PRMT8: variants seen among roughly 807,000 people sequenced by gnomAD.
The protein encoded by PRMT8 is protein arginine N-methyltransferase 8.
In PRMT8, 7 loss-of-function variants were observed where a neutral mutation model predicts 47.1. The observed-to-expected ratio is 0.15, with a 90% confidence interval of 0.08 to 0.28. PRMT8 has a LOEUF of 0.28. Among genes scored for constraint, PRMT8 ranks in the 10% least tolerant of loss-of-function variants. The probability of loss-of-function intolerance (pLI) is 1.00; values close to 1 mark genes in which losing one functional copy is unlikely to be tolerated. For missense variants in PRMT8, 237 were observed against 505.4 expected, an observed-to-expected ratio of 0.47 and a Z score of 5.09; for synonymous variants, 188 against 186.5, an observed-to-expected ratio of 1.01 and a Z score of -0.07.
In PRMT8 at chr12:3,412,508, T is replaced by C. The variant is rs140189895; in HGVS notation, c.48+31066T>C. 4.1e-3 allele frequency among the ~76,000 whole-genome samples: 624 copies of C among 152,360 alleles called. 3 individuals carry two copies. Among genetic ancestry groups the C allele is most frequent in the African/African-American group, 0.013 (545 of 41,586 alleles). The stretch of plus-strand genomic sequence containing the variant: ...ACAAACTTTAAATTCTTAAACACTT[T>C]TTGACTCTTTTGTAATATCACTTAG... On this transcript the variant is annotated intron_variant, in intron 1 of 9. Coordinates refer to the PRMT8 transcript ENST00000452611.
At position 3,546,799 on chromosome 12, in the gene PRMT8, C is replaced by G. The variant is rs146110432; in HGVS notation, c.262-3137C>G. 5.6e-4 allele frequency among the ~76,000 whole-genome samples: 85 copies of G among 152,256 alleles called. 1 individual carries two copies. Among genetic ancestry groups the G allele is most frequent in the African/African-American group, 1.8e-3 (74 of 41,562 alleles). On this transcript the variant is annotated intron_variant, in intron 2 of 9. Coordinates refer to ENST00000382622, the MANE Select transcript of PRMT8 (RefSeq NM_019854.5). ...GCAGAAAATATATGAGCAGAGAACA[C>G]TTCCTAACTTATGTAATGAGCCCAG...
intron 1 of PRMT8, among the ~76,000 whole-genome samples, chr12:3,463,786 A>T (rs1865063129): frequency 6.6e-6 from 1 of 152,164 alleles, no homozygotes. Flanking sequence ...TAAGAGGGAG[A>T]ATAACCAGGA....
chr12:3,580,733 A>G lies in PRMT8; in HGVS notation c.829-2325A>G, dbSNP rs1867044959. ...CCATGCTACACTGGTGACGGAGGGA[A>G]CCAAGAAAGAAAGATACCAGGGACC... is the stretch of plus-strand genomic sequence containing the variant. On this transcript the variant is annotated intron_variant, in intron 7 of 9. Coordinates refer to ENST00000382622, the MANE Select transcript of PRMT8 (RefSeq NM_019854.5). The surrounding 1 kb of genome is among the most constrained non-coding windows in gnomAD (Gnocchi z 4.6). Among the ~76,000 whole-genome samples, 1 of 152,124 alleles carries G rather than the reference A, an allele frequency of 6.6e-6. No individual in the cohort carries two copies. The highest frequency in any genetic ancestry group is 2.1e-4 in the South Asian group (1 of 4,816).
At chr12:3,424,484 T>C (rs1329094970) in intron 1 of PRMT8, among the ~76,000 whole-genome samples, 1 of 152,170 alleles carries the variant, frequency 6.6e-6, no homozygotes, top group African/African-American at 2.4e-5. Flanking sequence ...AAGAGCCATA[T>C]CCCCTTCCTA....
chr12:3,425,170 G>A (rs1415342069), intron 1 of PRMT8, among the ~76,000 whole-genome samples: 1 of 152,232 alleles, frequency 6.6e-6, no homozygotes, highest in Non-Finnish European at 1.5e-5. Context: ...CGATGGTTAT[G>A]TGGGAATTTT....
chr12:3,397,126 CA>C (rs1305213975), intron 1 of PRMT8, among the ~76,000 whole-genome samples: 1 of 151,622 alleles, frequency 6.6e-6, no homozygotes, highest in Non-Finnish European at 1.5e-5. Context: ...AAATTTTTTT[CA>C]AAGTTTTCAA....
chr12:3,517,820 G>C (rs567244866), intron 1 of PRMT8, among the ~76,000 whole-genome samples: 1 of 152,248 alleles, frequency 6.6e-6, no homozygotes, highest in South Asian at 2.1e-4. Flanking sequence ...TCAAACCAGG[G>C]AAAAGGAAAA....
At chr12:3,411,525 G>A (rs1220356950) in intron 1 of PRMT8, among the ~76,000 whole-genome samples, 1 of 152,214 alleles carries the variant, frequency 6.6e-6, no homozygotes, top group Non-Finnish European at 1.5e-5. Flanking sequence ...ACCCCTGTAT[G>A]TGCTGTATGG....
chr12:3,562,506 G>A (rs10774158), intron 4 of PRMT8, among the ~76,000 whole-genome samples: 25,033 of 151,930 alleles, frequency 0.16, 2,189 homozygotes, highest in Middle Eastern at 0.19. Context: ...AACTGTGAAC[G>A]TGCTTAGAAA....
intron 1 of PRMT8, among the ~76,000 whole-genome samples, chr12:3,412,444 C>CA (rs762137546): frequency 9.2e-5 from 14 of 152,144 alleles, no homozygotes; most frequent in Non-Finnish European, 1.3e-4. Flanking sequence ...CTTTCTTCAA[C>CA]AAAAAATTAA....
chr12:3,427,749 C>T (rs1030309007), intron 1 of PRMT8, among the ~76,000 whole-genome samples: 2 of 152,040 alleles, frequency 1.3e-5, no homozygotes, highest in African/African-American at 2.4e-5. Flanking sequence ...TACAAATATA[C>T]ATATTTTAAA....
intron 1 of PRMT8, among the ~76,000 whole-genome samples, chr12:3,511,561 C>G (rs1323680150): frequency 6.6e-6 from 1 of 152,168 alleles, no homozygotes; most frequent in Non-Finnish European, 1.5e-5. Flanking sequence ...TTTTCTCTTC[C>G]CTTCCCAGGC....
chr12:3,467,047 C>T (rs1865103997), intron 1 of PRMT8, among the ~76,000 whole-genome samples: 1 of 151,890 alleles, frequency 6.6e-6, no homozygotes, highest in Non-Finnish European at 1.5e-5. Context: ...ACCATCTTGG[C>T]TAACACACGG....
chr12:3,540,887 G>A, intron 2 of PRMT8, 96 bp downstream of exon 2: 3 of 1,345,288 alleles, frequency 2.2e-6, no homozygotes, highest in Non-Finnish European at 2.1e-6. Flanking sequence ...CCTTACCATG[G>A]TAAAGGGAGT....
rs557108989 is a variant in PRMT8 at position 3,538,863 on chromosome 12, C to T, written c.76-1743C>T. 2.0e-5 allele frequency among the ~76,000 whole-genome samples: 3 copies of T among 152,306 alleles called. No individual in the cohort carries two copies. The highest frequency in any genetic ancestry group is 2.1e-4 in the South Asian group (1 of 4,824). ...TTTGCCAGCCCGCCCGGGATCTCAC[C>T]GACGTGAAATCTGATGTTGCTAAAC... On this transcript the variant is annotated intron_variant, in intron 1 of 9. Transcript: ENST00000382622. This position sits in a 1 kb window ranked among gnomAD's most constrained non-coding sequence, Gnocchi z 4.6.
intron 4 of PRMT8, among the ~76,000 whole-genome samples, chr12:3,565,619 C>A (rs911365171): frequency 6.6e-6 from 1 of 152,086 alleles, no homozygotes; most frequent in South Asian, 2.1e-4. Context: ...TTCCTTCTGC[C>A]TTTTTGCAAG....
intron 1 of PRMT8, among the ~76,000 whole-genome samples, chr12:3,507,081 A>G (rs1865638852): frequency 6.7e-6 from 1 of 149,586 alleles, no homozygotes; most frequent in South Asian, 2.1e-4. Flanking sequence ...ATTGTGAAAT[A>G]TCATCTCTTG....
chr12:3,478,204 A>G (rs1865234112), intron 1 of PRMT8, among the ~76,000 whole-genome samples: 1 of 152,176 alleles, frequency 6.6e-6, no homozygotes, highest in Admixed American at 6.5e-5. Context: ...TCTCCAATGG[A>G]AAGAAATGGA....
At chr12:3,526,228 A>AGT (rs955342677) in intron 1 of PRMT8, among the ~76,000 whole-genome samples, 2 of 152,214 alleles carry the variant, frequency 1.3e-5, no homozygotes, top group Non-Finnish European at 2.9e-5. Context: ...ATAATATTAA[A>AGT]GTGTGTGTGT....
Sources: allele counts gnomAD v4.1 joint callset (sites outside exome capture counted in the v4.1 genomes callset), GRCh38; gene constraint gnomAD v4.1.1; non-coding constraint Gnocchi (gnomAD v3.1); transcripts MANE v1.5; gene names NCBI Gene and HGNC (gene_info 2026-07-23, HGNC 2026-07-21).